Variants in APBA1 observed in about 807,000 individuals in gnomAD.
The protein encoded by APBA1 is amyloid beta precursor protein binding family A member 1.
Under a neutral mutation model 86.6 loss-of-function variants are expected in APBA1, and 55 were observed. The ratio of observed to expected loss-of-function variants is 0.64; its 90% CI spans 0.51 to 0.80. The LOEUF is 0.80. Ranked by LOEUF, APBA1 falls within the 30% of genes least tolerant of loss-of-function variation. The probability of loss-of-function intolerance (pLI) is 0.00; values close to 1 mark genes in which losing one functional copy is unlikely to be tolerated. For missense variants in APBA1, 1,090 were observed against 1,183.0 expected, an observed-to-expected ratio of 0.92 and a Z score of 1.15; for synonymous variants, 511 against 493.9, an observed-to-expected ratio of 1.03 and a Z score of -0.46.
chr9:69,522,807 GA>G (rs1302848887), intron 1 of APBA1, among the ~76,000 whole-genome samples: 1 of 152,184 alleles, frequency 6.6e-6, no homozygotes, highest in African/African-American at 2.4e-5. Flanking sequence ...CCTTGATGAT[GA>G]CCCATGTGCC....
chr9:69,568,330 C>T (rs528301584), intron 1 of APBA1, among the ~76,000 whole-genome samples: 2 of 152,336 alleles, frequency 1.3e-5, no homozygotes, highest in Non-Finnish European at 2.9e-5. Flanking sequence ...ATGCATCATT[C>T]TCTCCTTTGA....
intron 1 of APBA1, among the ~76,000 whole-genome samples, chr9:69,664,667 C>T (rs983469059): frequency 6.6e-6 from 1 of 152,180 alleles, no homozygotes; most frequent in Non-Finnish European, 1.5e-5. Context: ...TAAGTAGATA[C>T]TTCACTCTTT....
chr9:69,553,053 G>A (rs1228524929), intron 1 of APBA1, among the ~76,000 whole-genome samples: 1 of 152,042 alleles, frequency 6.6e-6, no homozygotes, highest in African/African-American at 2.4e-5. Flanking sequence ...ACAGGCATGT[G>A]CCACTACACT....
At position 69,471,667 on chromosome 9, in the gene APBA1, G is replaced by T. The variant is rs774671640; in HGVS notation, c.1325C>A (p.Thr442Asn). Reference sequence around the variant, plus strand: ...TTTTCAGCTCTTACCTTCAACGTAGGTTGGGAATGAAGCCAAGCTTTTTCT... The same window carrying T: ...TTTTCAGCTCTTACCTTCAACGTAGTTTGGGAATGAAGCCAAGCTTTTTCT... ...ESRKSLASFP[T>N]YVEVPGPCDP... The change falls in exon 4 of 13, where the codon ACC (threonine) becomes AAC (asparagine). Residue 442 changes from threonine (T) to asparagine (N), a missense_variant. Thr to Asn is a moderately conservative substitution (Grantham distance 65). Around this residue, in one of 6 missense-constraint regions of APBA1, gnomAD observed 76 missense variants for 122.2 expected, o/e 0.62. Transcript: ENST00000265381. 1 of 1,613,664 alleles carries T rather than the reference G, an allele frequency of 6.2e-7. No individual in the cohort carries two copies. The highest frequency in any genetic ancestry group is 8.5e-7 in the Non-Finnish European group (1 of 1,179,820).
intron 2 of APBA1, among the ~76,000 whole-genome samples, chr9:69,485,785 T>A (rs1387942862): frequency 1.3e-5 from 2 of 152,144 alleles, no homozygotes; most frequent in African/African-American, 4.8e-5. Context: ...AGCTACCATC[T>A]AAGTTTTACC....
At chr9:69,580,580 C>T (rs1821893736) in intron 1 of APBA1, among the ~76,000 whole-genome samples, 1 of 152,182 alleles carries the variant, frequency 6.6e-6, no homozygotes, top group Admixed American at 6.5e-5. Context: ...CCCTAAATAT[C>T]TCCTCATGGT....
rs773579721 is a variant in APBA1, at chr9:69,540,157, A to AACAAC, written c.-69-22879_-69-22878insGTTGT. 2.5e-3 allele frequency among the ~76,000 whole-genome samples: 366 copies of AACAAC among 147,738 alleles called. 1 individual carries two copies. Among genetic ancestry groups the AACAAC allele is most frequent in the African/African-American group, 9.2e-3 (343 of 37,428 alleles). The stretch of plus-strand genomic sequence containing the variant: ...CAACAACAACAACAACAACAACAAC[A>AACAAC]AAAGTCACCTTATAAGACATGCTCC... On this transcript the variant is annotated intron_variant, in intron 1 of 12. Transcript: ENST00000265381.
chr9:69,565,483 C>G (rs879808475), intron 1 of APBA1, among the ~76,000 whole-genome samples: 2 of 152,182 alleles, frequency 1.3e-5, no homozygotes, highest in Admixed American at 1.3e-4. Context: ...TGCATCACAC[C>G]TCTCCATGGA....
chr9:69,583,558 C>T (rs1208808409), intron 1 of APBA1, among the ~76,000 whole-genome samples: 6 of 152,168 alleles, frequency 3.9e-5, no homozygotes, highest in Admixed American at 2.0e-4. Context: ...AATGATTATA[C>T]TAAAATGATG....
In APBA1 at chr9:69,517,170, T is replaced by TC. The variant is rs1294855292; in HGVS notation, c.40dup (p.Asp14GlyfsTer166). 6.4e-7 allele frequency: 1 copy of TC among 1,554,594 alleles called. No homozygotes were observed. On this transcript the variant is annotated frameshift_variant, in exon 2 of 13. Transcript: ENST00000265381. LOFTEE classifies it high-confidence loss of function. ...GTTCACCTCCCCACCTGCCGCCTCG[T>TC]CGGTCACCTCCACCTCCGCAGACCC...
intron 2 of APBA1, among the ~76,000 whole-genome samples, chr9:69,497,495 C>T (rs192269609): frequency 1.5e-4 from 23 of 152,280 alleles, no homozygotes; most frequent in Admixed American, 1.0e-3. Flanking sequence ...TTGAAGACAA[C>T]GTGCCCAGTG....
In APBA1 at chr9:69,528,298, C is replaced by T. The variant is rs183845345; in HGVS notation, c.-69-11019G>A. On this transcript the variant is annotated intron_variant, in intron 1 of 12. Coordinates refer to ENST00000265381, the MANE Select transcript of APBA1 (RefSeq NM_001163.4). ...TGGATTAATTCAGTAGTGCCAACCA[C>T]AAAGCTCTGATCACAGCCCAGCCTT... Among the ~76,000 whole-genome samples the T allele has an allele frequency of 3.1e-3, 467 of 152,210 alleles. 4 individuals carry two copies. Among genetic ancestry groups the T allele is most frequent in the African/African-American group, 0.011 (448 of 41,564 alleles).
intron 1 of APBA1, among the ~76,000 whole-genome samples, chr9:69,540,445 T>C (rs1836587591): frequency 6.6e-6 from 1 of 152,170 alleles, no homozygotes; most frequent in Non-Finnish European, 1.5e-5. Flanking sequence ...TTGCTAAGTG[T>C]AGGCACAATG....
intron 11 of APBA1, among the ~76,000 whole-genome samples, chr9:69,434,629 C>A (rs1415653242): frequency 1.3e-5 from 2 of 151,532 alleles, no homozygotes; most frequent in Non-Finnish European, 2.9e-5. Flanking sequence ...ATCCCTTGAA[C>A]CCAGGAGGTG....
At chr9:69,640,758 A>G (rs892265656) in intron 1 of APBA1, among the ~76,000 whole-genome samples, 4 of 152,158 alleles carry the variant, frequency 2.6e-5, no homozygotes, top group African/African-American at 9.7e-5. Flanking sequence ...AAAAACTCTC[A>G]ACAAACTAGA....
At chr9:69,557,603 C>T (rs1286287154) in intron 1 of APBA1, among the ~76,000 whole-genome samples, 2 of 152,078 alleles carry the variant, frequency 1.3e-5, no homozygotes, top group African/African-American at 2.4e-5. Flanking sequence ...AATGAGTGGT[C>T]GAAAGGTGAG....
In APBA1 at chr9:69,543,276, TCCCCCC is replaced by T. The variant is rs5898083; in HGVS notation, c.-69-26003_-69-25998del. On this transcript the variant is annotated intron_variant, in intron 1 of 12. Coordinates refer to ENST00000265381, the MANE Select transcript of APBA1 (RefSeq NM_001163.4). ...TTCCACTCCCTGCTGTGCTGGGATT[TCCCCCC>T]CCCCCCCCCGGCCTGTCCTCCACAG... Among the ~76,000 whole-genome samples, 14 of 145,308 alleles carry T rather than the reference TCCCCCC, an allele frequency of 9.6e-5. No individual in the cohort carries two copies. In the East Asian group the frequency reaches 1.8e-3, roughly 19 times the overall value.
At chr9:69,572,290 T>C (rs1837128596) in intron 1 of APBA1, among the ~76,000 whole-genome samples, 1 of 152,148 alleles carries the variant, frequency 6.6e-6, no homozygotes, top group Non-Finnish European at 1.5e-5. Context: ...CCTCCGTGTG[T>C]CCATGTGTTC....
At chr9:69,613,926 G>A (rs1401317153) in intron 1 of APBA1, among the ~76,000 whole-genome samples, 1 of 152,132 alleles carries the variant, frequency 6.6e-6, no homozygotes, top group African/African-American at 2.4e-5. Flanking sequence ...TTCCCGTAAG[G>A]AGAAGCAATC....
Sources: allele counts gnomAD v4.1 joint callset (sites outside exome capture counted in the v4.1 genomes callset), GRCh38; gene constraint gnomAD v4.1.1; regional missense constraint gnomAD v4.1.1; transcripts MANE v1.5; gene names NCBI Gene and HGNC (gene_info 2026-07-23, HGNC 2026-07-21).